Variants in EXOC6 observed in about 807,000 individuals in gnomAD.
The protein encoded by EXOC6 is SEC15-like 1.
EXOC6 carries 60 observed loss-of-function variants against 112.5 expected under a neutral mutation model. That is an observed-to-expected ratio of 0.53 (90% CI 0.43 to 0.66). The LOEUF is 0.66. EXOC6 is among the 30% of genes least tolerant of loss of function. The probability of loss-of-function intolerance (pLI) is 0.00; values close to 1 mark genes in which losing one functional copy is unlikely to be tolerated. For synonymous variants in EXOC6, 295 were observed against 308.0 expected (o/e 0.96, Z 0.44); for missense variants, 855 against 957.1 (o/e 0.89, Z 1.41).
At chr10:92,829,224 C>T (rs753528614) in intron 1 of EXOC6, among the ~76,000 whole-genome samples, 3 of 152,118 alleles carry the variant, frequency 2.0e-5, no homozygotes, top group Non-Finnish European at 4.4e-5. Flanking sequence ...GGGTGGCCAG[C>T]TTCTTCATGC....
At chr10:92,915,442 C>G (rs1028326703) in intron 6 of EXOC6, among the ~76,000 whole-genome samples, 12 of 142,940 alleles carry the variant, frequency 8.4e-5, no homozygotes, top group African/African-American at 2.9e-4. Context: ...GTGGTGCATT[C>G]CTGTAGTCCC....
chr10:92,956,820 C>T (rs1853720036), intron 17 of EXOC6, among the ~76,000 whole-genome samples: 1 of 152,026 alleles, frequency 6.6e-6, no homozygotes, highest in Non-Finnish European at 1.5e-5. Flanking sequence ...TGACCTTGGG[C>T]AAGTTCTTTA....
At chr10:93,045,024 C>A (rs1490678121) in intron 20 of EXOC6, among the ~76,000 whole-genome samples, 1 of 127,588 alleles carries the variant, frequency 7.8e-6, no homozygotes, top group African/African-American at 3.2e-5. Flanking sequence ...AGGTACCCGC[C>A]ACCACGCCCG....
At chr10:92,914,521 T>C (rs1850975619) in intron 6 of EXOC6, among the ~76,000 whole-genome samples, 1 of 152,182 alleles carries the variant, frequency 6.6e-6, no homozygotes, top group Non-Finnish European at 1.5e-5. Context: ...GTTTTGTGCA[T>C]AACATAATTG....
chr10:92,985,429 C>G (rs573478770), intron 18 of EXOC6, among the ~76,000 whole-genome samples: 38 of 152,268 alleles, frequency 2.5e-4, no homozygotes, highest in African/African-American at 9.1e-4. Context: ...AGCACCCGTT[C>G]ATGAATTCCC....
chr10:92,886,640 A>G (rs1334332760), intron 1 of EXOC6, among the ~76,000 whole-genome samples: 1 of 152,236 alleles, frequency 6.6e-6, no homozygotes, highest in Admixed American at 6.5e-5. Context: ...TGACTCTGTT[A>G]CTATATGACT....
intron 1 of EXOC6, among the ~76,000 whole-genome samples, chr10:92,834,996 T>A (rs2133571238): frequency 6.6e-6 from 1 of 152,340 alleles, no homozygotes; most frequent in Non-Finnish European, 1.5e-5. Flanking sequence ...CAGGACATAA[T>A]TAATCCATTT....
chr10:92,839,926 C>A (rs576404382), intron 1 of EXOC6, among the ~76,000 whole-genome samples: 1 of 152,024 alleles, frequency 6.6e-6, no homozygotes, highest in Non-Finnish European at 1.5e-5. Flanking sequence ...TACAAGATGA[C>A]GTACCAGAAG....
rs1589811563 is a variant in EXOC6, at chr10:92,909,377, A to T, written c.459-50A>T. The T allele has an allele frequency of 3.8e-6, 5 of 1,324,198 alleles. No homozygotes were observed. In the East Asian group the frequency reaches 1.2e-4, roughly 31 times the overall value. The allele number at this position is 1,324,198 out of a possible 1,614,324, so 82.0% of individuals were successfully genotyped here. A position where few individuals can be genotyped will look rare whatever the true frequency, so the allele number is the denominator to read the frequency against. ...TGATTATTTAGATTTACTTGTAAAAATATTGTGATAAGAACTTTTTATAGA... is the reference window on the plus strand; with the variant it reads ...TGATTATTTAGATTTACTTGTAAAATTATTGTGATAAGAACTTTTTATAGA... On this transcript the variant is annotated intron_variant, in intron 5 of 21. Transcript: ENST00000260762.
At chr10:92,985,911 A>G (rs907088502) in intron 18 of EXOC6, among the ~76,000 whole-genome samples, 1 of 152,290 alleles carries the variant, frequency 6.6e-6, no homozygotes, top group African/African-American at 2.4e-5. Flanking sequence ...TTTTTAAATT[A>G]TGACGTAGGC....
chr10:92,968,386 A>G (rs1406538507), intron 17 of EXOC6, among the ~76,000 whole-genome samples: 1 of 152,018 alleles, frequency 6.6e-6, no homozygotes, highest in East Asian at 1.9e-4. Flanking sequence ...GAGTCTCACT[A>G]TGTTGCCCAG....
intron 1 of EXOC6, among the ~76,000 whole-genome samples, chr10:92,884,505 A>G (rs1362482347): frequency 6.6e-6 from 1 of 152,222 alleles, no homozygotes; most frequent in Non-Finnish European, 1.5e-5. Flanking sequence ...TTATGCAACC[A>G]GTATATGTAT....
intron 5 of EXOC6, chr10:92,900,880 A>G (rs781575808): frequency 6.6e-6 from 1 of 152,076 alleles, no homozygotes. Flanking sequence ...TTTCTCAACT[A>G]TCCCCAAAAT....
chr10:92,896,767 G>C (rs1283701728), intron 4 of EXOC6, among the ~76,000 whole-genome samples: 1 of 152,000 alleles, frequency 6.6e-6, no homozygotes, highest in African/African-American at 2.4e-5. Context: ...TGTTGGGCAG[G>C]CTGGTCTCAA....
intron 1 of EXOC6, among the ~76,000 whole-genome samples, chr10:92,851,206 G>A (rs1049120363): frequency 6.6e-6 from 1 of 152,208 alleles, no homozygotes; most frequent in Non-Finnish European, 1.5e-5. Flanking sequence ...ATGAAATTCA[G>A]AAGAGTGGAA....
chr10:92,938,442 G>A (rs1374817688), intron 12 of EXOC6, among the ~76,000 whole-genome samples: 1 of 152,034 alleles, frequency 6.6e-6, no homozygotes, highest in Non-Finnish European at 1.5e-5. Flanking sequence ...GTCTTTTCAT[G>A]AAAACTAATT....
chr10:92,904,213 C>T (rs1290592754), intron 5 of EXOC6, among the ~76,000 whole-genome samples: 1 of 152,030 alleles, frequency 6.6e-6, no homozygotes, highest in East Asian at 1.9e-4. Flanking sequence ...CTTTGAAGGA[C>T]ATCTTGTTGC....
intron 17 of EXOC6, among the ~76,000 whole-genome samples, chr10:92,960,725 G>A (rs1443058916): frequency 6.6e-6 from 1 of 151,826 alleles, no homozygotes; most frequent in Admixed American, 6.6e-5. Flanking sequence ...GACTTTTAAC[G>A]GCACAGAGTA....
At chr10:92,932,137 C>T (rs1852073451) in intron 9 of EXOC6, among the ~76,000 whole-genome samples, 1 of 152,076 alleles carries the variant, frequency 6.6e-6, no homozygotes, top group Non-Finnish European at 1.5e-5. Context: ...GGAATTGATA[C>T]ATGCAGTGAT....
Sources: allele counts gnomAD v4.1 joint callset (sites outside exome capture counted in the v4.1 genomes callset), GRCh38; gene constraint gnomAD v4.1.1; transcripts MANE v1.5; gene names NCBI Gene and HGNC (gene_info 2026-07-23, HGNC 2026-07-21).